EIF4G3: variants seen among roughly 807,000 people sequenced by gnomAD.
EIF4G3 encodes eIF-4-gamma 3.
EIF4G3 carries 34 observed loss-of-function variants against 186.4 expected under a neutral mutation model. The observed-to-expected ratio is 0.18, with a 90% CI of 0.14 to 0.24. The LOEUF is 0.24. Among genes scored for constraint, EIF4G3 ranks in the 10% least tolerant of loss-of-function variants. EIF4G3 has a pLI of 1.00. For missense variants in EIF4G3, 1,536 were observed against 1,948.5 expected (o/e 0.79, Z 3.99); for synonymous variants, 673 against 679.5 (o/e 0.99, Z 0.15).
chr1:20,923,377 C>A (rs2094620630), intron 14 of EIF4G3, among the ~76,000 whole-genome samples: 1 of 152,020 alleles, frequency 6.6e-6, no homozygotes, highest in Non-Finnish European at 1.5e-5. Flanking sequence ...ATCTTCTAGG[C>A]CTCTGTTTTT....
At chr1:21,122,933 T>C (rs2096952651) in intron 2 of EIF4G3, among the ~76,000 whole-genome samples, 1 of 152,112 alleles carries the variant, frequency 6.6e-6, no homozygotes, top group African/African-American at 2.4e-5. Flanking sequence ...TAAAATAATG[T>C]ATTAGGGCAA....
At chr1:21,144,180 T>C (rs189998618) in intron 2 of EIF4G3, among the ~76,000 whole-genome samples, 76 of 152,348 alleles carry the variant, frequency 5.0e-4, no homozygotes, top group African/African-American at 1.8e-3. Flanking sequence ...ATTCCAAGTA[T>C]CTATGGGTAA....
At chr1:21,089,258 T>C (rs2096096476) in intron 2 of EIF4G3, 45 bp from the exon 3 acceptor site, 1 of 705,776 alleles carries the variant, frequency 1.4e-6, no homozygotes, top group Non-Finnish European at 2.6e-6. Flanking sequence ...AATGGATGCT[T>C]AATAGTTAGA....
At chr1:20,902,066 AT>A (rs764509538) in intron 15 of EIF4G3, among the ~76,000 whole-genome samples, 210 of 143,460 alleles carry the variant, frequency 1.5e-3, no homozygotes, top group Middle Eastern at 7.1e-3. Context: ...CTAGGCTATA[AT>A]TTTTTTTTTT....
At chr1:20,928,947 G>T (rs1284373230) in intron 14 of EIF4G3, among the ~76,000 whole-genome samples, 3 of 152,034 alleles carry the variant, frequency 2.0e-5, no homozygotes, top group African/African-American at 4.8e-5. Context: ...CTATGGATTT[G>T]CCTATTCCTG....
intron 2 of EIF4G3, among the ~76,000 whole-genome samples, chr1:21,167,495 A>G (rs2103024804): frequency 6.6e-6 from 1 of 152,130 alleles, no homozygotes; most frequent in Middle Eastern, 3.4e-3. Flanking sequence ...ATATAAATAC[A>G]CTAGGTGCAG....
At chr1:21,110,616 A>C (rs1306551143) in intron 2 of EIF4G3, among the ~76,000 whole-genome samples, 1 of 152,114 alleles carries the variant, frequency 6.6e-6, no homozygotes, top group Non-Finnish European at 1.5e-5. Flanking sequence ...TTTTTAGTAG[A>C]GATGGAGTTT....
intron 14 of EIF4G3, among the ~76,000 whole-genome samples, chr1:20,920,467 T>C (rs1220378364): frequency 1.3e-5 from 2 of 152,134 alleles, no homozygotes; most frequent in African/African-American, 2.4e-5. Flanking sequence ...TTATGACTGG[T>C]GGTTGGATAG....
chr1:21,142,519 A>T (rs1040055064), intron 2 of EIF4G3, among the ~76,000 whole-genome samples: 1 of 152,048 alleles, frequency 6.6e-6, no homozygotes, highest in African/African-American at 2.4e-5. Flanking sequence ...CAAAAATTAA[A>T]TTTTTTTTAA....
intron 29 of EIF4G3, among the ~76,000 whole-genome samples, chr1:20,845,790 T>C (rs1049395558): frequency 6.6e-6 from 1 of 152,162 alleles, no homozygotes; most frequent in Non-Finnish European, 1.5e-5. Flanking sequence ...TTGGGCTCCT[T>C]TTTTTGGTTC....
chr1:20,827,670 C>G lies in EIF4G3; in HGVS notation c.4216G>C (p.Gly1406Arg). 1 of 1,612,242 alleles carries G rather than the reference C, an allele frequency of 6.2e-7. No homozygotes were observed. The highest frequency in any genetic ancestry group is 8.5e-7 in the Non-Finnish European group (1 of 1,178,578). ...IEFSKPLLPV[G>R]RAGVLLSEIL... is the part of the protein sequence containing the mutation. ...TCAGATAGCAAGACCCCAGCTCTTCCAACAGGAAGTAAAGGTTTGCTAAAT... is the reference window on the plus strand; with the variant it reads ...TCAGATAGCAAGACCCCAGCTCTTCGAACAGGAAGTAAAGGTTTGCTAAAT... The change falls in exon 32 of 37, where the codon GGA (glycine) becomes CGA (arginine). Residue 1406 changes from glycine to arginine, a missense_variant. This residue lies in a region of EIF4G3 where 395 missense variants were observed against 498.9 expected (regional missense o/e 0.79). Transcript: ENST00000602326.
At chr1:21,013,549 C>T (rs913853219) in intron 4 of EIF4G3, among the ~76,000 whole-genome samples, 4 of 152,052 alleles carry the variant, frequency 2.6e-5, no homozygotes, top group African/African-American at 7.2e-5. Context: ...ATGCAAAGTT[C>T]GGATGGGAAG....
At chr1:21,053,488 T>C (rs1276752778) in intron 3 of EIF4G3, among the ~76,000 whole-genome samples, 4 of 135,354 alleles carry the variant, frequency 3.0e-5, no homozygotes, top group African/African-American at 1.1e-4. Context: ...CGGCCGCCCC[T>C]ACTGGGAAGT....
At chr1:20,975,379 C>CAAAAAAAAA (rs903583549) in intron 10 of EIF4G3, among the ~76,000 whole-genome samples, 1 of 136,366 alleles carries the variant, frequency 7.3e-6, no homozygotes, top group Non-Finnish European at 1.6e-5. Context: ...TTAAAAAAAA[C>CAAAAAAAAA]AAAAAACAAA....
At chr1:20,916,436 G>C (rs1378536664) in intron 14 of EIF4G3, among the ~76,000 whole-genome samples, 1 of 151,264 alleles carries the variant, frequency 6.6e-6, no homozygotes, top group Non-Finnish European at 1.5e-5. Context: ...AATAGAGAGA[G>C]ACTCTGTCTC....
intron 12 of EIF4G3, among the ~76,000 whole-genome samples, chr1:20,966,270 G>A (rs1181555442): frequency 1.3e-5 from 2 of 152,210 alleles, no homozygotes; most frequent in African/African-American, 4.8e-5. Flanking sequence ...TGTCTCATCT[G>A]TAGTCTTCTA....
At chr1:20,842,127 G>C (rs879083597) in intron 29 of EIF4G3, among the ~76,000 whole-genome samples, 1 of 152,038 alleles carries the variant, frequency 6.6e-6, no homozygotes, top group Non-Finnish European at 1.5e-5. Context: ...TTTTCTTTCT[G>C]AATGTCCAAG....
intron 30 of EIF4G3, among the ~76,000 whole-genome samples, chr1:20,837,980 C>T (rs1259727689): frequency 1.3e-5 from 2 of 152,130 alleles, no homozygotes; most frequent in Non-Finnish European, 2.9e-5. Context: ...ACTGCACTGC[C>T]TCTAGCTGCA....
intron 21 of EIF4G3, 120 bp downstream of exon 21, chr1:20,864,996 A>G (rs1249291650): frequency 5.7e-6 from 6 of 1,058,112 alleles, no homozygotes; most frequent in Admixed American, 2.6e-5. Context: ...TTCTACATGG[A>G]AAAAAAAAGG....
Sources: gnomAD v4.1 joint callset for allele counts (sites outside exome capture counted in the v4.1 genomes callset) on GRCh38, gnomAD v4.1.1 for gene constraint, gnomAD v4.1.1 regional missense constraint, MANE v1.5 for transcripts, NCBI Gene and HGNC (gene_info 2026-07-23, HGNC 2026-07-21) for gene names.